The following NFIB variants were observed in gnomAD, a reference collection of about 807,000 sequenced individuals.
The protein encoded by NFIB is nuclear factor 1 B-type.
In NFIB, 11 loss-of-function variants were observed where a neutral mutation model predicts 61.5. The observed-to-expected ratio is 0.18, with a 90% CI of 0.11 to 0.30. The LOEUF (loss-of-function observed/expected upper bound fraction) is 0.30. Among genes scored for constraint, NFIB ranks in the 10% least tolerant of loss-of-function variants. NFIB has a pLI of 1.00. For missense variants in NFIB, 471 were observed against 608.9 expected (o/e 0.77, Z 2.38); for synonymous variants, 260 against 216.5 (o/e 1.20, Z -1.76).
chr9:14,187,027 A>ATGTGTGTGTGTGTGTG (rs71491637), intron 2 of NFIB, among the ~76,000 whole-genome samples: 25 of 60,958 alleles, frequency 4.1e-4, no homozygotes, highest in African/African-American at 7.4e-4. Flanking sequence ...GTGTGTGTGT[A>ATGTGTGTGTGTGTGTG]TGTGTGTGTG....
At chr9:14,429,857 T>A in the NFIB span, among the ~76,000 whole-genome samples, 1 of 152,212 alleles carries the variant, frequency 6.6e-6, no homozygotes, top group African/African-American at 2.4e-5. Context: ...TTTCTATGCA[T>A]TGGCATATTT....
intron 2 of NFIB, among the ~76,000 whole-genome samples, chr9:14,270,780 C>T (rs531646347): frequency 1.3e-5 from 2 of 152,076 alleles, no homozygotes; most frequent in African/African-American, 4.8e-5. Flanking sequence ...TGACAGGAAA[C>T]AAAACAGCAT....
At chr9:14,396,931 G>T (rs1035286801) in intron 1 of NFIB, among the ~76,000 whole-genome samples, 1 of 152,116 alleles carries the variant, frequency 6.6e-6, no homozygotes, top group South Asian at 2.1e-4. Context: ...GGATTTGGGA[G>T]GACCATTGTT....
chr9:14,253,835 T>G (rs192268974), intron 2 of NFIB, among the ~76,000 whole-genome samples: 3 of 152,196 alleles, frequency 2.0e-5, no homozygotes, highest in Non-Finnish European at 4.4e-5. Context: ...CATGAAGTAA[T>G]CTCTATTTAT....
chr9:14,450,272 T>C, the NFIB span, among the ~76,000 whole-genome samples: 1 of 152,136 alleles, frequency 6.6e-6, no homozygotes, highest in Admixed American at 6.5e-5. Flanking sequence ...TTCATTCTCA[T>C]TAAAGTCCTC....
intron 2 of NFIB, among the ~76,000 whole-genome samples, chr9:14,216,543 C>T (rs7846843): frequency 0.023 from 692 of 29,734 alleles, 28 homozygotes; most frequent in East Asian, 0.19. Context: ...TCTCTCTCTC[C>T]CTCTGTGTGT....
the NFIB span, among the ~76,000 whole-genome samples, chr9:14,505,245 A>G: frequency 6.6e-6 from 1 of 151,946 alleles, no homozygotes; most frequent in Non-Finnish European, 1.5e-5. Flanking sequence ...ATGCTGTTGG[A>G]TTTGGTCAGC....
chr9:14,493,960 G>C, the NFIB span, among the ~76,000 whole-genome samples: 1 of 152,158 alleles, frequency 6.6e-6, no homozygotes, highest in Non-Finnish European at 1.5e-5. Context: ...AGTTAGATCA[G>C]GTTTCACATC....
At chr9:14,526,365 T>C in the NFIB span, among the ~76,000 whole-genome samples, 5 of 152,188 alleles carry the variant, frequency 3.3e-5, no homozygotes, top group Admixed American at 2.0e-4. Flanking sequence ...ATAATAATGA[T>C]CATAACGAAC....
intron 3 of NFIB, among the ~76,000 whole-genome samples, chr9:14,167,233 T>G (rs2044948140): frequency 6.6e-6 from 1 of 152,152 alleles, no homozygotes; most frequent in African/African-American, 2.4e-5. Context: ...TGGTACTGAT[T>G]TCATGAGTAT....
At chr9:14,128,436 G>A (rs145013381) in intron 6 of NFIB, among the ~76,000 whole-genome samples, 21 of 152,140 alleles carry the variant, frequency 1.4e-4, no homozygotes, top group African/African-American at 4.6e-4. Context: ...AGTGGCTCAC[G>A]CCTGTAATCC....
chr9:14,370,870 G>A (rs140346062), intron 1 of NFIB, among the ~76,000 whole-genome samples: 3,249 of 152,266 alleles, frequency 0.021, 59 homozygotes, highest in Non-Finnish European at 0.035. Flanking sequence ...CGAGGCGGGT[G>A]GATCACTTGA....
At chr9:14,202,132 A>T (rs2049108819) in intron 2 of NFIB, among the ~76,000 whole-genome samples, 1 of 141,548 alleles carries the variant, frequency 7.1e-6, no homozygotes, top group Non-Finnish European at 1.5e-5. Flanking sequence ...TACTTTTCAC[A>T]CACACACACA....
At chr9:14,169,258 T>C (rs145293558) in intron 3 of NFIB, among the ~76,000 whole-genome samples, 68 of 152,232 alleles carry the variant, frequency 4.5e-4, no homozygotes, top group Non-Finnish European at 8.4e-4. Flanking sequence ...GAAAGTCAAG[T>C]GGTTTTCCTG....
chr9:14,490,511 A>T, the NFIB span, among the ~76,000 whole-genome samples: 2 of 152,204 alleles, frequency 1.3e-5, no homozygotes, highest in African/African-American at 2.4e-5. Context: ...ACTATGAAGA[A>T]GTGAAAAGAT....
At chr9:14,388,813 T>A (rs930677668) in intron 1 of NFIB, among the ~76,000 whole-genome samples, 1 of 152,216 alleles carries the variant, frequency 6.6e-6, no homozygotes, top group Non-Finnish European at 1.5e-5. Context: ...ATCTAGGTAG[T>A]AAATACATAG....
chr9:14,147,425 G>A (rs2042385615), intron 5 of NFIB, among the ~76,000 whole-genome samples: 1 of 152,048 alleles, frequency 6.6e-6, no homozygotes, highest in Admixed American at 6.6e-5. Context: ...TTTTAGTTAA[G>A]TGGCTGGCAT....
chr9:14,145,799 C>T (rs1164788791), intron 6 of NFIB, among the ~76,000 whole-genome samples: 1 of 151,850 alleles, frequency 6.6e-6, no homozygotes, highest in Non-Finnish European at 1.5e-5. Flanking sequence ...TACAGGCGCA[C>T]ACCACTATGC....
the NFIB span, among the ~76,000 whole-genome samples, chr9:14,530,239 C>T: frequency 6.6e-6 from 1 of 152,192 alleles, no homozygotes; most frequent in Non-Finnish European, 1.5e-5. Context: ...TTTACACAAA[C>T]ATTTCACAGC....
Sources: gnomAD v4.1 joint callset for allele counts (sites outside exome capture counted in the v4.1 genomes callset) on GRCh38, gnomAD v4.1.1 for gene constraint, MANE v1.5 for transcripts, NCBI Gene and HGNC (gene_info 2026-07-23, HGNC 2026-07-21) for gene names.